Variants in ATP8A2 observed in about 807,000 individuals in gnomAD.
ATP8A2 encodes the protein ATPase phospholipid transporting 8A2, also known as phospholipid-transporting ATPase IB.
Under a neutral mutation model 165.6 loss-of-function variants are expected in ATP8A2, and 100 were observed. The observed-to-expected ratio is 0.60, with a 90% CI of 0.51 to 0.71. ATP8A2 has a LOEUF of 0.71. ATP8A2 is among the 30% of genes least tolerant of loss of function. ATP8A2 has a pLI of 0.00. For synonymous variants in ATP8A2, 543 were observed against 548.8 expected (o/e 0.99, Z 0.15); for missense variants, 1,227 against 1,479.5 (o/e 0.83, Z 2.80).
At chr13:25,769,261 C>T (rs964048957) in intron 26 of ATP8A2, 32 bp downstream of exon 26, 1 of 1,586,384 alleles carries the variant, frequency 6.3e-7, no homozygotes, top group African/African-American at 1.3e-5. Context: ...CTGCCCTGTC[C>T]TGTTGAGAGA....
chr13:25,467,488 G>T (rs1184240006), intron 1 of ATP8A2, among the ~76,000 whole-genome samples: 1 of 151,916 alleles, frequency 6.6e-6, no homozygotes, highest in East Asian at 1.9e-4. Flanking sequence ...CTTTAAAAGT[G>T]TTTCTCTATG....
intron 28 of ATP8A2, among the ~76,000 whole-genome samples, chr13:25,830,010 AT>A (rs1260599733): frequency 0.01 from 1,390 of 138,848 alleles, 10 homozygotes; most frequent in African/African-American, 0.024. Context: ...AGTTTTTGCA[AT>A]TTTTTTTTTT....
At chr13:25,453,270 G>A (rs188251381) in intron 1 of ATP8A2, among the ~76,000 whole-genome samples, 1,714 of 151,644 alleles carry the variant, frequency 0.011, 18 homozygotes, top group Middle Eastern at 0.02. Flanking sequence ...GGGATTACAG[G>A]CGCCTGCCAC....
intron 34 of ATP8A2, among the ~76,000 whole-genome samples, chr13:25,965,121 T>C (rs1011930858): frequency 2.0e-5 from 3 of 152,054 alleles, no homozygotes; most frequent in African/African-American, 7.2e-5. Context: ...ATCGCACCAA[T>C]TGCACTCCAG....
At chr13:25,844,303 T>C (rs1593437451) in intron 30 of ATP8A2, among the ~76,000 whole-genome samples, 1 of 152,010 alleles carries the variant, frequency 6.6e-6, no homozygotes, top group Non-Finnish European at 1.5e-5. Flanking sequence ...CGATCTCGGC[T>C]CACTGAAATC....
At chr13:25,970,029 G>A (rs1261675170) in intron 35 of ATP8A2, among the ~76,000 whole-genome samples, 2 of 152,146 alleles carry the variant, frequency 1.3e-5, no homozygotes, top group Admixed American at 1.3e-4. Flanking sequence ...AAATTAGGGA[G>A]CAGGAAACAT....
At chr13:25,450,756 C>A (rs1437539244) in intron 1 of ATP8A2, among the ~76,000 whole-genome samples, 1 of 152,024 alleles carries the variant, frequency 6.6e-6, no homozygotes, top group East Asian at 1.9e-4. Flanking sequence ...TGGTCTCAAT[C>A]TCCTGACCTC....
chr13:25,756,366 G>C (rs1426103984), intron 25 of ATP8A2, among the ~76,000 whole-genome samples: 1 of 138,348 alleles, frequency 7.2e-6, no homozygotes, highest in South Asian at 2.2e-4. Flanking sequence ...TTGCTCTTTC[G>C]TCCAGGCTGG....
intron 33 of ATP8A2, among the ~76,000 whole-genome samples, chr13:25,954,245 T>C (rs1374136887): frequency 2.0e-5 from 3 of 152,158 alleles, no homozygotes; most frequent in Non-Finnish European, 4.4e-5. Context: ...CACCAGGAAG[T>C]TTGAACTGGG....
At chr13:26,011,188 G>A (rs1048957580) in intron 35 of ATP8A2, among the ~76,000 whole-genome samples, 2 of 152,216 alleles carry the variant, frequency 1.3e-5, no homozygotes, top group African/African-American at 4.8e-5. Context: ...GCCATAGGCT[G>A]TGTGGCTTAA....
chr13:25,387,774 C>G (rs2033109065), intron 1 of ATP8A2, among the ~76,000 whole-genome samples: 1 of 152,134 alleles, frequency 6.6e-6, no homozygotes, highest in Non-Finnish European at 1.5e-5. Context: ...ATTAAAATCT[C>G]TTTACTAGGC....
At chr13:25,800,908 A>G (rs1326116) in intron 27 of ATP8A2, among the ~76,000 whole-genome samples, 26,556 of 152,086 alleles carry the variant, frequency 0.17, 2,490 homozygotes, top group Middle Eastern at 0.21. Context: ...CCAGTTCTGT[A>G]TTAATTCTGA....
intron 25 of ATP8A2, among the ~76,000 whole-genome samples, chr13:25,726,912 C>A (rs970275992): frequency 6.6e-6 from 1 of 152,000 alleles, no homozygotes; most frequent in African/African-American, 2.4e-5. Context: ...GAGGAAGGCT[C>A]CATGGGGAAA....
chr13:25,760,811 T>C (rs1386473767), intron 25 of ATP8A2, among the ~76,000 whole-genome samples: 3 of 152,194 alleles, frequency 2.0e-5, no homozygotes, highest in African/African-American at 7.2e-5. Context: ...AAATTCTGTT[T>C]TTGAAAGTTG....
intron 1 of ATP8A2, among the ~76,000 whole-genome samples, chr13:25,465,719 CTTTCTTT>C (rs2035634810): frequency 7.5e-5 from 3 of 40,246 alleles, no homozygotes; most frequent in African/African-American, 1.8e-4. Context: ...TTCTTTCTTT[CTTTCTTT>C]CTTTCTTTCT....
At chr13:25,415,033 A>G (rs763695163) in intron 1 of ATP8A2, among the ~76,000 whole-genome samples, 3 of 152,226 alleles carry the variant, frequency 2.0e-5, no homozygotes, top group African/African-American at 7.2e-5. Context: ...GATGGTATAG[A>G]GAGATGGTTT....
rs112929149 is a variant in ATP8A2, at chr13:25,507,208, G to A, written c.222-22791G>A. Among the ~76,000 whole-genome samples, 906 of 145,966 alleles carry A rather than the reference G, an allele frequency of 6.2e-3. 8 individuals are homozygous for A. The highest frequency in any genetic ancestry group is 0.022 in the African/African-American group (865 of 39,194). ...GTAAAGTGGGGTGGGTAATTGTGCT[G>A]GTACCATTCTTTGTGTGTGTGTGTG... On this transcript the variant is annotated intron_variant, in intron 2 of 36. Transcript: ENST00000381655.
chr13:25,917,351 G>A (rs1566267070), intron 33 of ATP8A2, among the ~76,000 whole-genome samples: 1 of 152,158 alleles, frequency 6.6e-6, no homozygotes, highest in Non-Finnish European at 1.5e-5. Context: ...AATCTGCAGA[G>A]AACCAGTTTT....
chr13:25,467,753 G>A (rs1398240447), intron 1 of ATP8A2, among the ~76,000 whole-genome samples: 1 of 151,884 alleles, frequency 6.6e-6, no homozygotes, highest in Non-Finnish European at 1.5e-5. Context: ...GGGTTTCACC[G>A]TGTTAGCCGG....
Sources: gnomAD v4.1 joint callset for allele counts (sites outside exome capture counted in the v4.1 genomes callset) on GRCh38, gnomAD v4.1.1 for gene constraint, MANE v1.5 for transcripts, NCBI Gene and HGNC (gene_info 2026-07-23, HGNC 2026-07-21) for gene names.